Variants in PCDHGA6 observed in about 807,000 individuals in gnomAD.
PCDHGA6 encodes the protein protocadherin gamma-A6.
In PCDHGA6, 41 loss-of-function variants were observed where a neutral mutation model predicts 60.6. The ratio of observed to expected loss-of-function variants is 0.68; its 90% CI spans 0.53 to 0.88. The LOEUF (loss-of-function observed/expected upper bound fraction) is 0.88, where lower values mean the gene tolerates loss of function less well. PCDHGA6 is among the 40% of genes least tolerant of loss of function. The probability of loss-of-function intolerance (pLI) is 0.00; values close to 1 mark genes in which losing one functional copy is unlikely to be tolerated. For synonymous variants in PCDHGA6, 594 were observed against 524.4 expected, an observed-to-expected ratio of 1.13 and a Z score of -1.81; for missense variants, 1,312 against 1,203.0, an observed-to-expected ratio of 1.09 and a Z score of -1.34.
intron 1 of PCDHGA6, among the ~76,000 whole-genome samples, chr5:141,445,119 T>C (rs975225604): frequency 1.3e-5 from 2 of 152,270 alleles, no homozygotes; most frequent in African/African-American, 4.8e-5. Context: ...TTGTAAATAG[T>C]ATTTTTAAAA....
intron 1 of PCDHGA6, chr5:141,390,341 A>G (rs766269615): frequency 6.3e-7 from 1 of 1,587,420 alleles, no homozygotes; most frequent in Non-Finnish European, 8.6e-7. Flanking sequence ...CATATTCACA[A>G]GAAAATATAC....
At chr5:141,506,188 C>T (rs925159785) in intron 3 of PCDHGA6, among the ~76,000 whole-genome samples, 2 of 152,058 alleles carry the variant, frequency 1.3e-5, no homozygotes, top group African/African-American at 4.8e-5. Flanking sequence ...TGGTGGCTCA[C>T]GCCTGTAATC....
chr5:141,492,880 T>C (rs1204475362), intron 1 of PCDHGA6, among the ~76,000 whole-genome samples: 2 of 152,184 alleles, frequency 1.3e-5, no homozygotes, highest in African/African-American at 4.8e-5. Context: ...CCCCCAGAGA[T>C]ACAGGCTTTT....
chr5:141,428,119 C>CCGGGCTTTTCAGCCTGGGGCTGCACA, intron 1 of PCDHGA6: 1 of 1,606,630 alleles, frequency 6.2e-7, no homozygotes, highest in Non-Finnish European at 8.5e-7. Context: ...GCCATCGAGC[C>CCGGGCTTTTCAGCCTGGGGCTGCACA]CGGGCTTTTC....
intron 1 of PCDHGA6, chr5:141,388,516 C>T (rs755004350): frequency 4.3e-6 from 7 of 1,613,864 alleles, no homozygotes; most frequent in South Asian, 3.3e-5. Context: ...TACCACTTGA[C>T]TTTGACTGCC....
Position 141,432,038 on chromosome 5 carries a change from C to G in PCDHGA6, c.2424+55531C>G, listed in dbSNP as rs202246871. ...CAACATCACAGTGACCGCCACTGAC[C>G]GGGGAACCCCGCCCCTATCCACGGA... On this transcript the variant is annotated intron_variant, in intron 1 of 3. Transcript: ENST00000517434. This position sits in a 1 kb window ranked among gnomAD's most constrained non-coding sequence, Gnocchi z 6.0. 2 of 1,614,190 alleles carry G rather than the reference C, an allele frequency of 1.2e-6. No homozygotes were observed. The highest frequency in any genetic ancestry group is 8.5e-7 in the Non-Finnish European group (1 of 1,180,032).
rs532490777 is a variant in PCDHGA6, at chr5:141,487,782, T to C, written c.2425-7025T>C. 7.2e-6 allele frequency: 11 copies of C among 1,525,744 alleles called. No homozygotes were observed. The South Asian group carries it at 1.2e-4, about 17-fold the overall frequency. The allele number at this position is 1,525,744 out of a possible 1,614,324, so 94.5% of individuals were successfully genotyped here. ...GACGCTGTGCTTTGTAACTGTTTCGTGAATTAACCAGAGTTGTCACAGTTT... is the reference window on the plus strand; with the variant it reads ...GACGCTGTGCTTTGTAACTGTTTCGCGAATTAACCAGAGTTGTCACAGTTT... On this transcript the variant is annotated intron_variant, in intron 1 of 3. Coordinates refer to ENST00000517434, the MANE Select transcript of PCDHGA6 (RefSeq NM_018919.3). This position sits in a 1 kb window ranked among gnomAD's most constrained non-coding sequence, Gnocchi z 5.0.
At chr5:141,501,329 ACACAC>A (rs1562200854) in intron 2 of PCDHGA6, among the ~76,000 whole-genome samples, 2 of 148,226 alleles carry the variant, frequency 1.3e-5, no homozygotes, top group Non-Finnish European at 3.0e-5. Flanking sequence ...ACACACACAC[ACACAC>A]CCCAAACTCA....
chr5:141,491,529 G>C lies in PCDHGA6; in HGVS notation c.2425-3278G>C. 1 of 1,614,040 alleles carries C rather than the reference G, an allele frequency of 6.2e-7. No individual in the cohort carries two copies. The highest frequency in any genetic ancestry group is 1.1e-5 in the South Asian group (1 of 91,080). On this transcript the variant is annotated intron_variant, in intron 1 of 3. Coordinates refer to ENST00000517434, the MANE Select transcript of PCDHGA6 (RefSeq NM_018919.3). The surrounding 1 kb of genome is among the most constrained non-coding windows in gnomAD (Gnocchi z 6.9). ...GCACGCTCAAGTACATGGAGGTGACGCTGCGGCCCACAGACTCGCAGAGCC... is the reference window on the plus strand; with the variant it reads ...GCACGCTCAAGTACATGGAGGTGACCCTGCGGCCCACAGACTCGCAGAGCC...
Position 141,491,414 on chromosome 5 carries a change from G to A in PCDHGA6, c.2425-3393G>A. On this transcript the variant is annotated intron_variant, in intron 1 of 3. Coordinates refer to ENST00000517434, the MANE Select transcript of PCDHGA6 (RefSeq NM_018919.3). The surrounding 1 kb of genome is among the most constrained non-coding windows in gnomAD (Gnocchi z 6.9). ...CTTCAGGGAAACGCAGACGGGGACGGGGGTGGAGGGCAGTGCTGCAGGCGC... is the reference window on the plus strand; with the variant it reads ...CTTCAGGGAAACGCAGACGGGGACGAGGGTGGAGGGCAGTGCTGCAGGCGC... 2 of 1,614,126 alleles carry A rather than the reference G, an allele frequency of 1.2e-6. No individual in the cohort carries two copies. Among genetic ancestry groups the A allele is most frequent in the Non-Finnish European group, 1.7e-6 (2 of 1,180,022 alleles).
chr5:141,454,128 C>T (rs988254902), intron 1 of PCDHGA6, among the ~76,000 whole-genome samples: 4 of 152,122 alleles, frequency 2.6e-5, no homozygotes, highest in African/African-American at 7.2e-5. Flanking sequence ...AATAGCTGAC[C>T]ATGGGAATGT....
chr5:141,506,253 G>A (rs1332023284), intron 3 of PCDHGA6, among the ~76,000 whole-genome samples: 2 of 151,862 alleles, frequency 1.3e-5, no homozygotes, highest in Non-Finnish European at 2.9e-5. Flanking sequence ...GTTCGAAACC[G>A]GCCTGGCCAA....
intron 1 of PCDHGA6, chr5:141,392,651 C>A: frequency 1.4e-6 from 1 of 708,948 alleles, no homozygotes; most frequent in Non-Finnish European, 2.2e-6. Context: ...CGAAGACCCG[C>A]AGATGCCACA....
At chr5:141,495,613 G>A (rs1230710705) in intron 2 of PCDHGA6, among the ~76,000 whole-genome samples, 2 of 152,068 alleles carry the variant, frequency 1.3e-5, no homozygotes, top group Non-Finnish European at 2.9e-5. Flanking sequence ...CTTGATTGCT[G>A]CACCTCAGCC....
chr5:141,405,327 G>A, intron 1 of PCDHGA6: 1 of 1,614,166 alleles, frequency 6.2e-7, no homozygotes. Flanking sequence ...GAGCCTTTGT[G>A]CGTCTCTGTT....
In PCDHGA6 at chr5:141,415,247, C is replaced by T. The variant is rs181239359; in HGVS notation, c.2424+38740C>T. The stretch of plus-strand genomic sequence containing the variant: ...GAGTCTCCAGCTAACTCTGAAACCT[C>T]AGACCTCACTCTGTACCTGGTGGTA... On this transcript the variant is annotated intron_variant, in intron 1 of 3. Transcript: ENST00000517434. 958 of 1,614,210 alleles carry T rather than the reference C, an allele frequency of 5.9e-4. 13 individuals are homozygous for T. The East Asian group carries it at 0.015, about 25-fold the overall frequency.
Position 141,490,965 on chromosome 5 carries a change from C to G in PCDHGA6, c.2425-3842C>G. On this transcript the variant is annotated intron_variant, in intron 1 of 3. Coordinates refer to ENST00000517434, the MANE Select transcript of PCDHGA6 (RefSeq NM_018919.3). This position sits in a 1 kb window ranked among gnomAD's most constrained non-coding sequence, Gnocchi z 5.4. ...CACGGCCAGACTGGGAACACTCAGC[C>G]CCCCAGCGTCTCCCTCGCTCTGCTC... is the stretch of plus-strand genomic sequence containing the variant. 5 of 1,613,856 alleles carry G rather than the reference C, an allele frequency of 3.1e-6. No homozygotes were observed. The highest frequency in any genetic ancestry group is 3.3e-4 in the Middle Eastern group (2 of 6,062).
At chr5:141,393,303 G>C in intron 1 of PCDHGA6, 1 of 1,613,764 alleles carries the variant, frequency 6.2e-7, no homozygotes, top group Non-Finnish European at 8.5e-7. Context: ...GGATGTGGGC[G>C]TGAACTCCCT....
At chr5:141,503,284 G>C (rs899456087) in intron 2 of PCDHGA6, among the ~76,000 whole-genome samples, 2 of 152,044 alleles carry the variant, frequency 1.3e-5, no homozygotes, top group African/African-American at 4.8e-5. Flanking sequence ...TCTGTGTCTG[G>C]TACATAGAAA....
Sources: allele counts gnomAD v4.1 joint callset (sites outside exome capture counted in the v4.1 genomes callset), GRCh38; gene constraint gnomAD v4.1.1; non-coding constraint Gnocchi (gnomAD v3.1); transcripts MANE v1.5; gene names NCBI Gene and HGNC (gene_info 2026-07-23, HGNC 2026-07-21).